POPDC1: variants seen among roughly 807,000 people sequenced by gnomAD.
POPDC1 encodes popeye domain-containing protein 1.
the POPDC1 span, among the ~76,000 whole-genome samples, chr6:105,128,432 T>C: frequency 6.6e-6 from 1 of 152,126 alleles, no homozygotes; most frequent in African/African-American, 2.4e-5. Flanking sequence ...GACCCTTAAA[T>C]GAATGAGATG....
chr6:105,136,612 G>A, the POPDC1 span: 1 of 152,448 alleles, frequency 6.6e-6, no homozygotes, highest in South Asian at 2.1e-4. Context: ...TGCCGCCGCA[G>A]AGCGCGGGAG....
chr6:105,103,761 T>C, the POPDC1 span, among the ~76,000 whole-genome samples: 1 of 152,128 alleles, frequency 6.6e-6, no homozygotes, highest in Non-Finnish European at 1.5e-5. Flanking sequence ...CATCCTACAG[T>C]TATATTGAGG....
the POPDC1 span, among the ~76,000 whole-genome samples, chr6:105,120,338 G>C: frequency 6.6e-6 from 1 of 151,402 alleles, no homozygotes; most frequent in Non-Finnish European, 1.5e-5. Context: ...TTAGAGTGCT[G>C]ACTGAGGTCA....
chr6:105,121,026 C>T, the POPDC1 span, among the ~76,000 whole-genome samples: 1 of 152,128 alleles, frequency 6.6e-6, no homozygotes, highest in East Asian at 1.9e-4. Context: ...CTTTCAATAC[C>T]ATTAAAACTT....
the POPDC1 span, chr6:105,100,995 A>G: frequency 2.1e-6 from 3 of 1,450,244 alleles, no homozygotes; most frequent in Non-Finnish European, 2.8e-6. Context: ...GATGCACTAA[A>G]GCAGAATAAC....
At chr6:105,120,447 A>C in the POPDC1 span, among the ~76,000 whole-genome samples, 1 of 152,234 alleles carries the variant, frequency 6.6e-6, no homozygotes, top group African/African-American at 2.4e-5. Flanking sequence ...TTATGAGAAT[A>C]TCTTATAAAG....
chr6:105,133,877 G>T, the POPDC1 span, among the ~76,000 whole-genome samples: 1 of 152,044 alleles, frequency 6.6e-6, no homozygotes, highest in East Asian at 1.9e-4. Context: ...ACATATATAC[G>T]TATAAACACT....
chr6:105,125,647 C>G, the POPDC1 span: 1 of 1,458,538 alleles, frequency 6.9e-7, no homozygotes, highest in South Asian at 1.2e-5. Flanking sequence ...CTTCTGTGGT[C>G]TAAATATGGT....
chr6:105,134,951 T>C, the POPDC1 span, among the ~76,000 whole-genome samples: 2 of 152,150 alleles, frequency 1.3e-5, no homozygotes, highest in South Asian at 4.1e-4. Flanking sequence ...TTTTAATAAC[T>C]CCATTTATAC....
At chr6:105,109,162 T>C in the POPDC1 span, among the ~76,000 whole-genome samples, 2 of 152,178 alleles carry the variant, frequency 1.3e-5, no homozygotes, top group African/African-American at 2.4e-5. Flanking sequence ...TTTGTCATGC[T>C]GGCTGGGCTG....
the POPDC1 span, among the ~76,000 whole-genome samples, chr6:105,107,245 C>T: frequency 6.6e-6 from 1 of 152,130 alleles, no homozygotes; most frequent in East Asian, 1.9e-4. Context: ...TTTCACTTAA[C>T]ATAATGAGAG....
At chr6:105,124,395 A>G in the POPDC1 span, 2 of 560,440 alleles carry the variant, frequency 3.6e-6, no homozygotes, top group Admixed American at 7.1e-5. Flanking sequence ...CAAAAAAAAA[A>G]AAAAAAAAAA....
At chr6:105,114,566 A>C in the POPDC1 span, among the ~76,000 whole-genome samples, 1 of 152,264 alleles carries the variant, frequency 6.6e-6, no homozygotes, top group Admixed American at 6.5e-5. Context: ...TACAATTGGA[A>C]ATATGAATAG....
the POPDC1 span, chr6:105,099,366 T>TCA: frequency 1.1e-4 from 17 of 152,322 alleles, 1 homozygote; most frequent in South Asian, 2.5e-3. Flanking sequence ...CTAACAGAAA[T>TCA]CACCTCATGG....
chr6:105,120,372 A>G, the POPDC1 span, among the ~76,000 whole-genome samples: 1 of 151,454 alleles, frequency 6.6e-6, no homozygotes, highest in African/African-American at 2.4e-5. Flanking sequence ...CTAATGTTTC[A>G]TTTCTACCAA....
At chr6:105,097,347 T>C in the POPDC1 span, 1 of 152,190 alleles carries the variant, frequency 6.6e-6, no homozygotes, top group African/African-American at 2.4e-5. Flanking sequence ...ATCAAAGATA[T>C]CTATAAAGCA....
the POPDC1 span, chr6:105,116,982 G>A: frequency 9.9e-7 from 1 of 1,015,212 alleles, no homozygotes; most frequent in Non-Finnish European, 1.4e-6. Flanking sequence ...GCAATGATTT[G>A]TCAAATTATA....
At chr6:105,133,651 T>C in the POPDC1 span, 3 of 1,154,978 alleles carry the variant, frequency 2.6e-6, no homozygotes, top group South Asian at 1.5e-5. Flanking sequence ...TTTACCTTCA[T>C]AGGTATTATA....
the POPDC1 span, among the ~76,000 whole-genome samples, chr6:105,115,324 G>A: frequency 6.6e-6 from 1 of 152,068 alleles, no homozygotes; most frequent in Non-Finnish European, 1.5e-5. Context: ...TCCTGACCTC[G>A]TGATCCGCCC....
Sources: gnomAD v4.1 joint callset for allele counts (sites outside exome capture counted in the v4.1 genomes callset) on GRCh38, gnomAD v4.1.1 for gene constraint, MANE v1.5 for transcripts, NCBI Gene and HGNC (gene_info 2026-07-23, HGNC 2026-07-21) for gene names.